Variants in ANKS1B observed in about 807,000 individuals in gnomAD.
ANKS1B encodes ankyrin repeat and sterile alpha motif domain-containing protein 1B.
Under a neutral mutation model 148.3 loss-of-function variants are expected in ANKS1B, and 36 were observed. The ratio of observed to expected loss-of-function variants is 0.24; its 90% CI spans 0.19 to 0.32. The LOEUF is 0.32. Ranked by LOEUF, ANKS1B falls within the 10% of genes least tolerant of loss-of-function variation. The pLI is 1.00. For synonymous variants in ANKS1B, 542 were observed against 560.8 expected (o/e 0.97, Z 0.47); for missense variants, 1,157 against 1,542.6 (o/e 0.75, Z 4.19).
In ANKS1B at chr12:99,136,799, T is replaced by C. The variant is rs2068241961; in HGVS notation, c.2526+17490A>G. Among the ~76,000 whole-genome samples, 4 of 152,188 alleles carry C rather than the reference T, an allele frequency of 2.6e-5. 1 individual carries two copies. The highest frequency in any genetic ancestry group is 4.8e-5 in the African/African-American group (2 of 41,446). ...ATTAAAGTTTTATTTGTATATTTGT[T>C]TGAATGCTTGAAAATTATATATGTA... On this transcript the variant is annotated intron_variant, in intron 15 of 26. Coordinates refer to ENST00000683438, the MANE Select transcript of ANKS1B (RefSeq NM_001352186.2).
intron 8 of ANKS1B, among the ~76,000 whole-genome samples, chr12:99,768,846 A>C (rs1196315694): frequency 1.3e-5 from 2 of 150,636 alleles, no homozygotes; most frequent in Non-Finnish European, 3.0e-5. Flanking sequence ...AAAAAAAAAA[A>C]AACACATCAG....
At chr12:99,282,021 A>G (rs1164350978) in intron 12 of ANKS1B, among the ~76,000 whole-genome samples, 2 of 152,232 alleles carry the variant, frequency 1.3e-5, no homozygotes, top group South Asian at 2.1e-4. Flanking sequence ...AGAGATCAAA[A>G]GAAAACAAGT....
intron 14 of ANKS1B, among the ~76,000 whole-genome samples, chr12:99,160,958 A>C (rs1402860918): frequency 1.3e-5 from 2 of 152,128 alleles, no homozygotes; most frequent in Non-Finnish European, 2.9e-5. Flanking sequence ...GCATAGTTTG[A>C]AGTCAGGGAA....
chr12:99,588,966 A>G (rs2097671848), intron 9 of ANKS1B, among the ~76,000 whole-genome samples: 2 of 152,242 alleles, frequency 1.3e-5, no homozygotes, highest in African/African-American at 4.8e-5. Context: ...AAATTAAGAC[A>G]ATCTCTGGAC....
intron 17 of ANKS1B, among the ~76,000 whole-genome samples, chr12:99,014,525 G>A (rs183696925): frequency 1.3e-5 from 2 of 152,080 alleles, no homozygotes; most frequent in East Asian, 3.9e-4. Flanking sequence ...TGACAAATGG[G>A]GACAATTTAA....
At chr12:99,049,920 T>C (rs1480176926) in intron 17 of ANKS1B, among the ~76,000 whole-genome samples, 1 of 152,178 alleles carries the variant, frequency 6.6e-6, no homozygotes, top group Non-Finnish European at 1.5e-5. Context: ...CAGCTGACTT[T>C]TGTATCAAAG....
chr12:99,166,926 T>C (rs994150095), intron 14 of ANKS1B, among the ~76,000 whole-genome samples: 10 of 152,006 alleles, frequency 6.6e-5, no homozygotes, highest in Non-Finnish European at 1.5e-4. Flanking sequence ...AACAGATCAA[T>C]GAAACAAAAT....
intron 22 of ANKS1B, chr12:98,795,622 G>A (rs1025455271): frequency 2.2e-6 from 1 of 449,252 alleles, no homozygotes; most frequent in Admixed American, 2.4e-5. Context: ...GAATTTCTGG[G>A]TACAACATCT....
chr12:99,823,008 C>T (rs193181228), intron 2 of ANKS1B, among the ~76,000 whole-genome samples: 1 of 152,126 alleles, frequency 6.6e-6, no homozygotes, highest in African/African-American at 2.4e-5. Flanking sequence ...AATGGTTTCT[C>T]TGTGGTTTTG....
intron 8 of ANKS1B, among the ~76,000 whole-genome samples, chr12:99,764,851 C>T (rs906049371): frequency 9.2e-5 from 14 of 152,142 alleles, no homozygotes; most frequent in African/African-American, 3.4e-4. Flanking sequence ...TTAACATTTG[C>T]AGTGAGGACC....
chr12:99,772,824 C>T lies in ANKS1B; in HGVS notation c.1128+98G>A, dbSNP rs149365029. 3,500 of 1,237,390 alleles carry T rather than the reference C, an allele frequency of 2.8e-3. 11 individuals are homozygous for T. Among genetic ancestry groups the T allele is most frequent in the Middle Eastern group, 3.7e-3 (18 of 4,926 alleles). The allele number at this position is 1,237,390 out of a possible 1,614,324, so 76.7% of individuals were successfully genotyped here. A position where few individuals can be genotyped will look rare whatever the true frequency, so the allele number is the denominator to read the frequency against. The stretch of plus-strand genomic sequence containing the variant: ...TAAGGAAACTGACATCTTAGAGTGG[C>T]GGAATCTGATAATGCACCACATCCC... On this transcript the variant is annotated intron_variant, in intron 8 of 26. Coordinates refer to ENST00000683438, the MANE Select transcript of ANKS1B (RefSeq NM_001352186.2).
chr12:99,638,334 ACTTG>A (rs2098264469), intron 9 of ANKS1B, among the ~76,000 whole-genome samples: 1 of 149,072 alleles, frequency 6.7e-6, no homozygotes, highest in African/African-American at 2.6e-5. Context: ...CTTCCTAGAG[ACTTG>A]CTGAATGGCT....
chr12:99,717,886 C>A (rs1299632377), intron 8 of ANKS1B, among the ~76,000 whole-genome samples: 3 of 148,766 alleles, frequency 2.0e-5, no homozygotes, highest in African/African-American at 7.4e-5. Context: ...CTGGTGCCAA[C>A]TTAGACAATA....
intron 7 of ANKS1B, among the ~76,000 whole-genome samples, chr12:99,774,921 G>C (rs1009027593): frequency 1.3e-5 from 2 of 152,050 alleles, no homozygotes; most frequent in Non-Finnish European, 2.9e-5. Flanking sequence ...AATACTGCAT[G>C]ATCTCACATG....
intron 9 of ANKS1B, among the ~76,000 whole-genome samples, chr12:99,632,357 C>G (rs75489185): frequency 0.019 from 2,872 of 152,112 alleles, 84 homozygotes; most frequent in African/African-American, 0.065. Flanking sequence ...TGACCACAGA[C>G]AGCCCCTGCT....
intron 12 of ANKS1B, among the ~76,000 whole-genome samples, chr12:99,354,651 A>C (rs1487188769): frequency 6.6e-6 from 1 of 152,094 alleles, no homozygotes; most frequent in Admixed American, 6.6e-5. Flanking sequence ...TGCTAAAATG[A>C]CTTTGAGTCT....
At chr12:98,779,038 A>G (rs957782463) in intron 24 of ANKS1B, among the ~76,000 whole-genome samples, 1 of 152,202 alleles carries the variant, frequency 6.6e-6, no homozygotes, top group African/African-American at 2.4e-5. Context: ...CTTGCCACCA[A>G]CATAGGCACT....
rs766437361 is a variant in ANKS1B at position 99,015,641 on chromosome 12, C to T, written c.2778+37516G>A. ...CAGCACTTTGAGAGGCCGAGGTGGG[C>T]GGATCAGGAGGTCAGGCGATCTAGA... On this transcript the variant is annotated intron_variant, in intron 17 of 26. Coordinates refer to ENST00000683438, the MANE Select transcript of ANKS1B (RefSeq NM_001352186.2). Among the ~76,000 whole-genome samples, 6 of 151,946 alleles carry T rather than the reference C, an allele frequency of 3.9e-5. No individual in the cohort carries two copies. In the South Asian group the frequency reaches 6.2e-4, roughly 16 times the overall value.
rs774779591 is a variant in ANKS1B, at chr12:98,745,706, C to G, written c.*33G>C. The G allele has an allele frequency of 5.6e-6, 9 of 1,609,388 alleles. No homozygotes were observed. In the South Asian group the frequency reaches 7.7e-5, roughly 14 times the overall value. ...GCCTGCTCCGGGACCGCTTGGCGAG[C>G]AAGGCACCGCGAGGACAGGAGGACG... is the stretch of plus-strand genomic sequence containing the variant. On this transcript the variant is annotated 3_prime_UTR_variant, in exon 27 of 27. Coordinates refer to ENST00000683438, the MANE Select transcript of ANKS1B (RefSeq NM_001352186.2).
Sources: gnomAD v4.1 joint callset for allele counts (sites outside exome capture counted in the v4.1 genomes callset) on GRCh38, gnomAD v4.1.1 for gene constraint, MANE v1.5 for transcripts, NCBI Gene and HGNC (gene_info 2026-07-23, HGNC 2026-07-21) for gene names.